ENAH: variants seen among roughly 807,000 people sequenced by gnomAD.
ENAH encodes the protein protein enabled homolog.
In ENAH, 23 loss-of-function variants were observed where a neutral mutation model predicts 78.7. The observed-to-expected ratio is 0.29, with a 90% CI of 0.21 to 0.41. The LOEUF is 0.41. Ranked by LOEUF, ENAH falls within the 10% of genes least tolerant of loss-of-function variation. The pLI is 1.00. For missense variants in ENAH, 544 were observed against 691.0 expected, an observed-to-expected ratio of 0.79 and a Z score of 2.39; for synonymous variants, 226 against 241.0, an observed-to-expected ratio of 0.94 and a Z score of 0.58.
intron 1 of ENAH, among the ~76,000 whole-genome samples, chr1:225,571,242 G>A (rs1231746187): frequency 3.3e-5 from 5 of 151,944 alleles, no homozygotes; most frequent in Admixed American, 6.6e-5. Context: ...GCATGGTGAC[G>A]TGCACCTGTG....
At chr1:225,638,930 C>G (rs1660537529) in intron 1 of ENAH, among the ~76,000 whole-genome samples, 1 of 152,196 alleles carries the variant, frequency 6.6e-6, no homozygotes, top group Non-Finnish European at 1.5e-5. Context: ...AAAATATCCG[C>G]TAATGAACTA....
Position 225,597,994 on chromosome 1 carries a change from C to T in ENAH, c.6-30580G>A, listed in dbSNP as rs538413840. Among the ~76,000 whole-genome samples, 5 of 151,566 alleles carry T rather than the reference C, an allele frequency of 3.3e-5. No individual in the cohort carries two copies. In the East Asian group the frequency reaches 5.8e-4, roughly 18 times the overall value. ...TTCCAGTTCTATGCTTCTGTGTTAC[C>T]GGAATCCTCACAAAACCTCTGCAGT... On this transcript the variant is annotated intron_variant, in intron 1 of 13. Transcript: ENST00000366843.
intron 1 of ENAH, among the ~76,000 whole-genome samples, chr1:225,594,559 T>TCC (rs2096893371): frequency 6.6e-6 from 1 of 152,166 alleles, no homozygotes; most frequent in South Asian, 2.1e-4. Context: ...CACGGCATGA[T>TCC]CCTCACTCTA....
intron 1 of ENAH, among the ~76,000 whole-genome samples, chr1:225,635,721 G>GT (rs1659939574): frequency 6.6e-6 from 1 of 152,160 alleles, no homozygotes; most frequent in Non-Finnish European, 1.5e-5. Flanking sequence ...AGAGTAGAGT[G>GT]GACCCCTTAA....
At chr1:225,554,868 A>C in intron 3 of ENAH, 38 bp downstream of exon 3, 2 of 1,447,956 alleles carry the variant, frequency 1.4e-6, no homozygotes, top group Non-Finnish European at 1.9e-6. Flanking sequence ...TGTCTCTGGA[A>C]AAAGAAAGAA....
intron 2 of ENAH, among the ~76,000 whole-genome samples, chr1:225,559,577 G>A (rs150967178): frequency 2.6e-4 from 40 of 152,012 alleles, no homozygotes; most frequent in African/African-American, 6.0e-4. Context: ...AAATGGCAGC[G>A]CAGAAGCAAG....
chr1:225,618,923 C>CAGAA (rs1216741462), intron 1 of ENAH, among the ~76,000 whole-genome samples: 3 of 152,186 alleles, frequency 2.0e-5, no homozygotes, highest in Non-Finnish European at 4.4e-5. Flanking sequence ...AGAAGGCCTA[C>CAGAA]TTTCTGGCCC....
chr1:225,564,907 T>C (rs2096727249), intron 2 of ENAH, among the ~76,000 whole-genome samples: 1 of 152,102 alleles, frequency 6.6e-6, no homozygotes, highest in South Asian at 2.1e-4. Flanking sequence ...AAGGACAGCT[T>C]AGATGTCCTA....
chr1:225,635,244 T>C (rs1002975763), intron 1 of ENAH, among the ~76,000 whole-genome samples: 3 of 152,206 alleles, frequency 2.0e-5, no homozygotes, highest in Non-Finnish European at 4.4e-5. Context: ...AGAAACAGTC[T>C]ATGTTGCCCA....
intron 4 of ENAH, among the ~76,000 whole-genome samples, chr1:225,522,505 T>C (rs1178542092): frequency 2.0e-5 from 3 of 152,226 alleles, no homozygotes; most frequent in Non-Finnish European, 4.4e-5. Flanking sequence ...GACTTCATTA[T>C]GCTATTTGAT....
chr1:225,540,062 T>A (rs1657836066), intron 3 of ENAH, among the ~76,000 whole-genome samples: 1 of 152,170 alleles, frequency 6.6e-6, no homozygotes, highest in Non-Finnish European at 1.5e-5. Context: ...ATATGAGAAA[T>A]CTGTCTAAAG....
intron 1 of ENAH, among the ~76,000 whole-genome samples, chr1:225,588,277 C>G (rs573499192): frequency 7.9e-5 from 12 of 152,244 alleles, no homozygotes; most frequent in Non-Finnish European, 1.8e-4. Flanking sequence ...TGACATGAAT[C>G]CAACATTTCT....
chr1:225,594,019 T>C (rs912210439), intron 1 of ENAH, among the ~76,000 whole-genome samples: 17 of 152,172 alleles, frequency 1.1e-4, no homozygotes, highest in African/African-American at 3.4e-4. Context: ...GCTATAAAAA[T>C]TCCCTTTTCA....
rs759391782 is a variant in ENAH at position 225,512,748 on chromosome 1, T to C, written c.1365-34A>G. On this transcript the variant is annotated intron_variant, in intron 8 of 13. Coordinates refer to ENST00000366843, the MANE Select transcript of ENAH (RefSeq NM_018212.6). Reference sequence around the variant, plus strand: ...AAGGCAAATCCGATTTTTAAAAATATTATCTGATTCAGTATAAAAACCACT... The same window carrying C: ...AAGGCAAATCCGATTTTTAAAAATACTATCTGATTCAGTATAAAAACCACT... The C allele has an allele frequency of 9.9e-6, 16 of 1,611,886 alleles. No individual in the cohort carries two copies. The African/African-American group carries it at 2.1e-4, about 22-fold the overall frequency.
At chr1:225,583,188 G>A (rs997923816) in intron 1 of ENAH, among the ~76,000 whole-genome samples, 4 of 152,174 alleles carry the variant, frequency 2.6e-5, no homozygotes, top group African/African-American at 9.7e-5. Context: ...TGTAATCTCA[G>A]CACTTTGGGA....
Position 225,519,393 on chromosome 1 carries a change from G to A in ENAH, c.607C>T (p.Arg203Cys), listed in dbSNP as rs1195321193. ...TCCAGGCGTTCCTGCCGCTCCAGGC[G>A]TTCCTGCCGTTCCCGTTCTTGTCTC... Reference protein sequence around the residue: ...RERQERERQERLERQERLERQ... With the variant: ...RERQERERQECLERQERLERQ... Residue 203 changes from arginine to cysteine, a missense_variant, in exon 5 of 14, where the codon CGC becomes TGC. Arg to Cys is a radical substitution (Grantham distance 180, BLOSUM62 -3). Coordinates refer to ENST00000366843, the MANE Select transcript of ENAH (RefSeq NM_018212.6). The A allele has an allele frequency of 1.9e-6, 3 of 1,606,368 alleles. No homozygotes were observed. The highest frequency in any genetic ancestry group is 2.2e-5 in the East Asian group (1 of 44,766).
intron 3 of ENAH, among the ~76,000 whole-genome samples, chr1:225,536,573 A>G (rs2096562521): frequency 6.6e-6 from 1 of 151,926 alleles, no homozygotes; most frequent in Non-Finnish European, 1.5e-5. Flanking sequence ...GGCAAACAAG[A>G]CAGTGTTTTA....
chr1:225,568,474 C>A (rs1451465663), intron 1 of ENAH, among the ~76,000 whole-genome samples: 1 of 152,164 alleles, frequency 6.6e-6, no homozygotes, highest in Admixed American at 6.5e-5. Flanking sequence ...ATGCTATTAA[C>A]CCAATTAAAA....
At chr1:225,538,139 C>G (rs1055885438) in intron 3 of ENAH, among the ~76,000 whole-genome samples, 2 of 152,162 alleles carry the variant, frequency 1.3e-5, no homozygotes, top group Admixed American at 1.3e-4. Flanking sequence ...ATCACAACAT[C>G]AGCATCTAAA....
Sources: allele counts gnomAD v4.1 joint callset (sites outside exome capture counted in the v4.1 genomes callset), GRCh38; gene constraint gnomAD v4.1.1; transcripts MANE v1.5; gene names NCBI Gene and HGNC (gene_info 2026-07-23, HGNC 2026-07-21).